Variants in NTM observed in about 807,000 individuals in gnomAD.
The protein encoded by NTM is IgLON family member 2.
NTM carries 13 observed loss-of-function variants against 42.1 expected under a neutral mutation model. The observed-to-expected ratio is 0.31, with a 90% CI of 0.20 to 0.49. The LOEUF is 0.49. Among genes scored for constraint, NTM ranks in the 20% least tolerant of loss-of-function variants. NTM has a pLI of 0.99. For synonymous variants in NTM, 187 were observed against 179.2 expected (o/e 1.04, Z -0.35); for missense variants, 373 against 452.8 (o/e 0.82, Z 1.60).
intron 7 of NTM, among the ~76,000 whole-genome samples, chr11:132,318,958 G>C (rs181250506): frequency 5.3e-5 from 8 of 152,288 alleles, no homozygotes; most frequent in African/African-American, 1.9e-4. Flanking sequence ...ACTCACTTTA[G>C]TGATGTACAG....
At chr11:131,459,115 T>C (rs1951152426) in intron 1 of NTM, among the ~76,000 whole-genome samples, 1 of 152,250 alleles carries the variant, frequency 6.6e-6, no homozygotes. Flanking sequence ...CATGGATCTG[T>C]GCATAAGCCT....
intron 1 of NTM, among the ~76,000 whole-genome samples, chr11:131,549,022 AAGT>A (rs1185622166): frequency 6.6e-6 from 1 of 152,180 alleles, no homozygotes; most frequent in African/African-American, 2.4e-5. Context: ...CCATCAGTAA[AAGT>A]AGGAATGAAT....
chr11:131,877,786 C>T (rs1205688895), intron 1 of NTM: 1 of 152,222 alleles, frequency 6.6e-6, no homozygotes, highest in Admixed American at 6.5e-5. Context: ...AGGGAGCCCG[C>T]CCTCTACGTC....
chr11:132,319,259 C>A (rs902179465), intron 7 of NTM, among the ~76,000 whole-genome samples: 3 of 152,160 alleles, frequency 2.0e-5, no homozygotes, highest in African/African-American at 7.2e-5. Flanking sequence ...TGGGGAGTGC[C>A]AGACAGTAGG....
At chr11:132,143,956 G>A (rs1391433105) in intron 2 of NTM, among the ~76,000 whole-genome samples, 1 of 151,942 alleles carries the variant, frequency 6.6e-6, no homozygotes, top group Non-Finnish European at 1.5e-5. Flanking sequence ...TCTGGATATT[G>A]TCATCAAAGC....
At chr11:131,634,457 A>G (rs2064116462) in intron 1 of NTM, among the ~76,000 whole-genome samples, 1 of 152,136 alleles carries the variant, frequency 6.6e-6, no homozygotes, top group Non-Finnish European at 1.5e-5. Flanking sequence ...AGTAATGAAA[A>G]TAAAGCTCTC....
chr11:131,538,835 C>T (rs982792803), intron 1 of NTM, among the ~76,000 whole-genome samples: 25 of 149,790 alleles, frequency 1.7e-4, no homozygotes, highest in African/African-American at 5.9e-4. Context: ...TAATGTGTTG[C>T]ACATTTCAAA....
At chr11:131,731,265 T>C (rs2079646887) in intron 1 of NTM, among the ~76,000 whole-genome samples, 2 of 152,164 alleles carry the variant, frequency 1.3e-5, no homozygotes, top group Admixed American at 1.3e-4. Context: ...GTGTACCTTC[T>C]CTTCATTATG....
At chr11:131,864,680 T>C (rs2136997602) in intron 1 of NTM, among the ~76,000 whole-genome samples, 1 of 152,350 alleles carries the variant, frequency 6.6e-6, no homozygotes, top group Non-Finnish European at 1.5e-5. Context: ...ATTTTGGTTT[T>C]GATATAGTCG....
chr11:132,130,920 A>G (rs146198860), intron 2 of NTM, among the ~76,000 whole-genome samples: 52 of 152,352 alleles, frequency 3.4e-4, no homozygotes, highest in African/African-American at 1.2e-3. Context: ...GCCCACGATC[A>G]CACATTTCAT....
At chr11:131,819,195 T>A (rs1229322474) in intron 1 of NTM, among the ~76,000 whole-genome samples, 7 of 152,118 alleles carry the variant, frequency 4.6e-5, no homozygotes, top group Non-Finnish European at 7.4e-5. Flanking sequence ...GACCCTCTAG[T>A]TCAAAACTTC....
At chr11:131,910,777 ACCGCCGCAGCCCCTGCC>A in intron 1 of NTM, 1 of 959,188 alleles carries the variant, frequency 1.0e-6, no homozygotes, top group Non-Finnish European at 1.2e-6. Flanking sequence ...CTCCTCGGCC[ACCGCCGCAGCCCCTGCC>A]CCGCCGAGCC....
At chr11:132,317,467 A>G (rs1485520177) in intron 7 of NTM, among the ~76,000 whole-genome samples, 1 of 152,034 alleles carries the variant, frequency 6.6e-6, no homozygotes, top group Non-Finnish European at 1.5e-5. Flanking sequence ...AACATAAAGC[A>G]TGTCAGCGTT....
At chr11:131,789,325 C>A in intron 1 of NTM, among the ~76,000 whole-genome samples, 2 of 143,364 alleles carry the variant, frequency 1.4e-5, no homozygotes, top group East Asian at 2.0e-4. Context: ...AATAGAGATG[C>A]TGAAGATGAC....
chr11:131,428,191 G>A (rs1555109183), intron 1 of NTM, among the ~76,000 whole-genome samples: 3 of 152,106 alleles, frequency 2.0e-5, no homozygotes, highest in Non-Finnish European at 4.4e-5. Context: ...TATTGGGATC[G>A]ATAGCATCTC....
At chr11:131,726,269 G>C (rs2078957984) in intron 1 of NTM, among the ~76,000 whole-genome samples, 1 of 152,104 alleles carries the variant, frequency 6.6e-6, no homozygotes, top group African/African-American at 2.4e-5. Context: ...GCAAGTTCTA[G>C]CCTCCCTATG....
chr11:131,496,817 T>A (rs908242532), intron 1 of NTM, among the ~76,000 whole-genome samples: 1 of 152,166 alleles, frequency 6.6e-6, no homozygotes, highest in Non-Finnish European at 1.5e-5. Flanking sequence ...CCAGGTGATA[T>A]TAACATGATT....
chr11:132,336,399 A>AAAC lies in NTM; in HGVS notation c.*1255_*1256insCAA, dbSNP rs2095872450. 1 of 152,160 alleles carries AAAC rather than the reference A, an allele frequency of 6.6e-6. No homozygotes were observed. Among genetic ancestry groups the AAAC allele is most frequent in the African/African-American group, 2.4e-5 (1 of 41,388 alleles). 9.4% of individuals were successfully genotyped at this position (152,160 alleles called of 1,614,324 possible). ...AAAAAGTGAAAGGATAAAAAAAAAA[A>AAAC]AAAACAACTAATACCGGGCGCAGCA... On this transcript the variant is annotated 3_prime_UTR_variant, in exon 9 of 9. Transcript: ENST00000683400.
chr11:131,652,379 G>A (rs2066609115), intron 1 of NTM, among the ~76,000 whole-genome samples: 1 of 152,296 alleles, frequency 6.6e-6, no homozygotes, highest in East Asian at 1.9e-4. Flanking sequence ...CAGATTTCCA[G>A]TGGCCACAAA....
Sources: allele counts gnomAD v4.1 joint callset (sites outside exome capture counted in the v4.1 genomes callset), GRCh38; gene constraint gnomAD v4.1.1; transcripts MANE v1.5; gene names NCBI Gene and HGNC (gene_info 2026-07-23, HGNC 2026-07-21).